The following SCN1A variants were observed in gnomAD, a reference collection of about 807,000 sequenced individuals.
The protein encoded by SCN1A is sodium voltage-gated channel alpha subunit 1.
In SCN1A, 13 loss-of-function variants were observed where a neutral mutation model predicts 193.7. The observed-to-expected ratio is 0.07, with a 90% CI of 0.04 to 0.11. SCN1A has a LOEUF of 0.11. SCN1A is among the 10% of genes least tolerant of loss of function. The pLI is 1.00. For missense variants in SCN1A, 1,432 were observed against 2,451.1 expected (o/e 0.58, Z 8.78); for synonymous variants, 781 against 843.6 (o/e 0.93, Z 1.29).
At chr2:166,039,888 C>T (rs886922569) in intron 16 of SCN1A, among the ~76,000 whole-genome samples, 4 of 145,130 alleles carry the variant, frequency 2.8e-5, no homozygotes, top group Non-Finnish European at 4.5e-5. Flanking sequence ...AATGGCAAAA[C>T]TAGGATTTGA....
At position 166,054,718 on chromosome 2, in the gene SCN1A, A is replaced by G. The variant is rs1223083797; in HGVS notation, c.522T>C (p.Ile174=). The change falls in exon 7 of 29, where the codon ATT becomes ATC. Residue 174 remains isoleucine, a synonymous_variant. Coordinates refer to ENST00000674923, the MANE Select transcript of SCN1A (RefSeq NM_001165963.4). ...AATCTTCTAAACAGAATCCCCTTGC[A>G]ATAATTTTTATAAGTGATTCAAAAG... ...IYTFESLIKI[I]ARGFCLEDFT... The G allele has an allele frequency of 4.3e-6, 7 of 1,611,600 alleles. No individual in the cohort carries two copies. The highest frequency in any genetic ancestry group is 5.1e-6 in the Non-Finnish European group (6 of 1,178,356).
chr2:166,091,895 T>C (rs978330971), intron 2 of SCN1A, among the ~76,000 whole-genome samples: 1 of 152,180 alleles, frequency 6.6e-6, no homozygotes. Context: ...GAATTCATGA[T>C]CAATGCCTTA....
chr2:166,023,330 T>C (rs1310560662), intron 19 of SCN1A, among the ~76,000 whole-genome samples: 2 of 152,182 alleles, frequency 1.3e-5, no homozygotes, highest in East Asian at 3.9e-4. Context: ...TTTTCACCCT[T>C]CTCCTGGCCC....
chr2:166,082,948 C>T (rs772226446), intron 2 of SCN1A, among the ~76,000 whole-genome samples: 6 of 152,032 alleles, frequency 3.9e-5, no homozygotes, highest in Non-Finnish European at 7.4e-5. Flanking sequence ...GGGACATAAA[C>T]CATCTGGGCA....
At chr2:166,069,487 G>A (rs1411862152) in intron 4 of SCN1A, among the ~76,000 whole-genome samples, 1 of 152,140 alleles carries the variant, frequency 6.6e-6, no homozygotes, top group Non-Finnish European at 1.5e-5. Flanking sequence ...ATATGCCATT[G>A]GAAAATATAC....
chr2:166,048,758 C>CA, intron 10 of SCN1A, 128 bp downstream of exon 10: 1 of 688,800 alleles, frequency 1.5e-6, no homozygotes, highest in Non-Finnish European at 2.6e-6. Flanking sequence ...AAAAACCTTA[C>CA]ATATAGCAAA....
intron 2 of SCN1A, among the ~76,000 whole-genome samples, chr2:166,125,219 C>A (rs1433442676): frequency 3.3e-5 from 5 of 152,180 alleles, no homozygotes; most frequent in African/African-American, 1.2e-4. Context: ...CTGAGGGTGA[C>A]TATACAGGAC....
intron 3 of SCN1A, among the ~76,000 whole-genome samples, chr2:166,074,577 A>G (rs546366280): frequency 6.6e-6 from 1 of 152,338 alleles, no homozygotes; most frequent in Admixed American, 6.5e-5. Flanking sequence ...AACCCCATAC[A>G]GCAGAGTCAG....
chr2:166,102,616 A>G (rs1688230552), intron 2 of SCN1A, among the ~76,000 whole-genome samples: 1 of 152,190 alleles, frequency 6.6e-6, no homozygotes, highest in Non-Finnish European at 1.5e-5. Context: ...ATATTAGTTC[A>G]GCCACTGTGG....
intron 10 of SCN1A, among the ~76,000 whole-genome samples, chr2:166,048,234 T>G (rs188225702): frequency 6.6e-6 from 1 of 152,106 alleles, no homozygotes; most frequent in African/African-American, 2.4e-5. Flanking sequence ...GGTACGTACA[T>G]GTACAGGTTT....
intron 23 of SCN1A, among the ~76,000 whole-genome samples, chr2:166,008,658 C>T (rs1200117579): frequency 5.3e-5 from 8 of 150,950 alleles, no homozygotes; most frequent in Non-Finnish European, 8.9e-5. Flanking sequence ...ACAAGTCCTA[C>T]GTTCTTACAA....
intron 6 of SCN1A, among the ~76,000 whole-genome samples, chr2:166,055,012 T>C (rs952612441): frequency 1.3e-5 from 2 of 152,030 alleles, no homozygotes; most frequent in East Asian, 3.9e-4. Context: ...TATTTAGCCA[T>C]TGTCTGAAAT....
chr2:166,015,559 C>T (rs762801822), intron 20 of SCN1A, 48 bp downstream of exon 20: 4 of 1,609,208 alleles, frequency 2.5e-6, no homozygotes, highest in Non-Finnish European at 3.4e-6. Context: ...AACAGCTAAA[C>T]AAGCTGCACT....
chr2:166,042,664 T>C (rs1247659894), intron 14 of SCN1A, among the ~76,000 whole-genome samples: 3 of 152,196 alleles, frequency 2.0e-5, no homozygotes, highest in Admixed American at 6.5e-5. Flanking sequence ...TTTTATAAAA[T>C]ACAAAATAAT....
At position 166,012,248 on chromosome 2, in the gene SCN1A, G is replaced by A. The variant is rs765403943; in HGVS notation, c.3740C>T (p.Thr1247Met). ...AGCATATTCCAACATCGTCTTAATC[G>A]TCTTTCGCTGATCAATATATATATC... ...FEDIYIDQRK[T>M]IKTMLEYADK... The change falls in exon 22 of 29, where the codon ACG becomes ATG. Residue 1247 changes from threonine to methionine, a missense_variant. Coordinates refer to ENST00000674923, the MANE Select transcript of SCN1A (RefSeq NM_001165963.4). 1.6e-5 allele frequency: 25 copies of A among 1,609,334 alleles called. No homozygotes were observed. Among genetic ancestry groups the A allele is most frequent in the East Asian group, 1.3e-4 (6 of 44,684 alleles).
rs536179751 is a variant in SCN1A, at chr2:166,125,397, G to A, written c.-142+1527C>T. 2.0e-5 allele frequency among the ~76,000 whole-genome samples: 3 copies of A among 152,264 alleles called. 1 individual carries two copies. Among genetic ancestry groups the A allele is most frequent in the African/African-American group, 7.2e-5 (3 of 41,554 alleles). On this transcript the variant is annotated intron_variant, in intron 2 of 28. Transcript: ENST00000674923. ...CAGGGAGAAAGCAATACCTTTCAAG[G>A]TCCCCAGGCTAAATTTTGGAGGGAT...
intron 2 of SCN1A, among the ~76,000 whole-genome samples, chr2:166,110,243 C>T (rs1356249436): frequency 6.6e-6 from 1 of 152,014 alleles, no homozygotes; most frequent in Non-Finnish European, 1.5e-5. Context: ...GAATGTTTCT[C>T]ACTTTAAATT....
intron 1 of SCN1A, among the ~76,000 whole-genome samples, chr2:166,141,731 CTT>C (rs35457376): frequency 3.6e-5 from 5 of 137,036 alleles, no homozygotes; most frequent in African/African-American, 5.3e-5. Flanking sequence ...TCTTCCTTTT[CTT>C]TTTTTTTTTT....
intron 1 of SCN1A, 102 bp from the exon 2 acceptor site, chr2:166,127,112 T>C (rs1691334809): frequency 1.3e-5 from 2 of 152,240 alleles, no homozygotes. Flanking sequence ...GTTTCCTATT[T>C]GGCATTGGAT....
Sources: gnomAD v4.1 joint callset for allele counts (sites outside exome capture counted in the v4.1 genomes callset) on GRCh38, gnomAD v4.1.1 for gene constraint, MANE v1.5 for transcripts, NCBI Gene and HGNC (gene_info 2026-07-23, HGNC 2026-07-21) for gene names.